ZFP91: variants seen among roughly 807,000 people sequenced by gnomAD.
ZFP91 encodes the protein E3 ubiquitin-protein ligase ZFP91.
Under a neutral mutation model 63.5 loss-of-function variants are expected in ZFP91, and 7 were observed. That is an observed-to-expected ratio of 0.11 (90% CI 0.06 to 0.21). ZFP91 has a LOEUF of 0.21. Among genes scored for constraint, ZFP91 ranks in the 10% least tolerant of loss-of-function variants. The pLI is 1.00. For synonymous variants in ZFP91, 330 were observed against 272.1 expected (o/e 1.21, Z -2.10); for missense variants, 628 against 736.6 (o/e 0.85, Z 1.71).
intron 8 of ZFP91, 55 bp downstream of exon 8, chr11:58,612,895 T>G: frequency 6.8e-7 from 1 of 1,472,024 alleles, no homozygotes; most frequent in South Asian, 1.2e-5. Context: ...TACTTGTTCT[T>G]GCACCACGAG....
At chr11:58,612,411 C>T in intron 7 of ZFP91, 83 bp downstream of exon 7, 1 of 1,391,526 alleles carries the variant, frequency 7.2e-7, no homozygotes, top group South Asian at 1.3e-5. Context: ...CATGATAATC[C>T]TGCAGGAATG....
At chr11:58,613,818 TATAAC>T (rs1372034054) in intron 8 of ZFP91, among the ~76,000 whole-genome samples, 1 of 152,188 alleles carries the variant, frequency 6.6e-6, no homozygotes, top group Non-Finnish European at 1.5e-5. Flanking sequence ...CAGCAACAAA[TATAAC>T]ATGACACGAA....
At chr11:58,600,940 T>C (rs891187746) in intron 2 of ZFP91, among the ~76,000 whole-genome samples, 1 of 152,216 alleles carries the variant, frequency 6.6e-6, no homozygotes, top group African/African-American at 2.4e-5. Context: ...TCTTTATTAA[T>C]GTGGGATATT....
chr11:58,605,974 A>G (rs550618178), intron 2 of ZFP91, among the ~76,000 whole-genome samples: 1 of 152,054 alleles, frequency 6.6e-6, no homozygotes, highest in South Asian at 2.1e-4. Context: ...GGCCTAGCTT[A>G]AAGTTCACTG....
At chr11:58,582,805 A>G (rs1855141569) in intron 1 of ZFP91, among the ~76,000 whole-genome samples, 2 of 152,198 alleles carry the variant, frequency 1.3e-5, no homozygotes. Flanking sequence ...TTCTTTTCAC[A>G]ATGAACTATT....
intron 2 of ZFP91, among the ~76,000 whole-genome samples, chr11:58,607,223 C>T (rs1855582780): frequency 6.6e-6 from 1 of 152,120 alleles, no homozygotes; most frequent in African/African-American, 2.4e-5. Flanking sequence ...TGTTGTAATA[C>T]TTCATAGGTG....
Position 58,617,781 on chromosome 11 carries a change from A to C in ZFP91, c.*75A>C. 1 of 1,437,618 alleles carries C rather than the reference A, an allele frequency of 7.0e-7. No homozygotes were observed. The allele number at this position is 1,437,618 out of a possible 1,614,324, so 89.1% of individuals were successfully genotyped here. On this transcript the variant is annotated 3_prime_UTR_variant, in exon 11 of 11. Coordinates refer to ENST00000316059, the MANE Select transcript of ZFP91 (RefSeq NM_053023.5). This position sits in a 1 kb window ranked among gnomAD's most constrained non-coding sequence, Gnocchi z 4.2. ...GTTAAAAAGGACAAAAAAAAAATCTAAAGCATTTAAAATCTAGTGAAATAA... is the reference window on the plus strand; with the variant it reads ...GTTAAAAAGGACAAAAAAAAAATCTCAAGCATTTAAAATCTAGTGAAATAA...
chr11:58,579,605 G>A lies in ZFP91; in HGVS notation c.324G>A (p.Lys108=). The A allele has an allele frequency of 6.4e-7, 1 of 1,574,548 alleles. No individual in the cohort carries two copies. Among genetic ancestry groups the A allele is most frequent in the Non-Finnish European group, 8.6e-7 (1 of 1,164,474 alleles). Residue 108 remains lysine, a synonymous_variant, in exon 1 of 11, where the codon AAG becomes AAA. Coordinates refer to ENST00000316059, the MANE Select transcript of ZFP91 (RefSeq NM_053023.5). ...AAKSPSPVQG[K]KSPRLLCIEK... ...AGTCCCCGTCTCCAGTTCAGGGCAA[G>A]AAGAGTCCGCGACTCCTGTGAGTAA...
intron 9 of ZFP91, among the ~76,000 whole-genome samples, chr11:58,616,310 A>T (rs1855747791): frequency 6.6e-6 from 1 of 151,956 alleles, no homozygotes; most frequent in South Asian, 2.1e-4. Flanking sequence ...TGAATGCCAG[A>T]TTCTTTCTGT....
rs770502239 is a variant in ZFP91 at position 58,617,444 on chromosome 11, C to T, written c.1451C>T (p.Thr484Met). 9.9e-6 allele frequency: 16 copies of T among 1,613,852 alleles called. No individual in the cohort carries two copies. Among genetic ancestry groups the T allele is most frequent in the African/African-American group, 4.0e-5 (3 of 74,924 alleles). Residue 484 changes from threonine to methionine, a missense_variant, in exon 11 of 11, where the codon ACG becomes ATG. Thr to Met is a moderately conservative substitution (Grantham distance 81, BLOSUM62 -1). Around this residue, in one of 3 missense-constraint regions of ZFP91, gnomAD observed 115 missense variants for 125.4 expected, o/e 0.92. Transcript: ENST00000316059. This position sits in a 1 kb window ranked among gnomAD's most constrained non-coding sequence, Gnocchi z 4.2. Reference protein sequence around the residue: ...DILGTNPESLTQPSDGQGLPL... With the variant: ...DILGTNPESLMQPSDGQGLPL... ...TTGGGCACTAACCCAGAGTCCCTGA[C>T]GCAGCCTTCAGATGGTCAGGGTCTT...
intron 2 of ZFP91, among the ~76,000 whole-genome samples, chr11:58,603,225 G>A (rs11229543): frequency 0.21 from 32,132 of 152,082 alleles, 3,641 homozygotes; most frequent in Middle Eastern, 0.36. Context: ...AGAAGGTATA[G>A]CCTTGTTTCT....
intron 2 of ZFP91, among the ~76,000 whole-genome samples, chr11:58,590,082 A>G (rs1855278710): frequency 6.6e-6 from 1 of 152,216 alleles, no homozygotes; most frequent in South Asian, 2.1e-4. Flanking sequence ...GAATGCCCTG[A>G]TAGAAGAAAA....
At chr11:58,613,796 C>A (rs1283265797) in intron 8 of ZFP91, among the ~76,000 whole-genome samples, 5 of 152,066 alleles carry the variant, frequency 3.3e-5, no homozygotes, top group Non-Finnish European at 4.4e-5. Context: ...TAGGAAATAC[C>A]TGTTTGATCT....
chr11:58,585,392 T>C (rs11229537), intron 2 of ZFP91, among the ~76,000 whole-genome samples: 22,788 of 152,178 alleles, frequency 0.15, 1,893 homozygotes, highest in Middle Eastern at 0.2. Context: ...GTTCACTTTT[T>C]CAATAACTTT....
chr11:58,617,424 C>T lies in ZFP91; in HGVS notation c.1431C>T (p.Gly477=), dbSNP rs769747094. Residue 477 remains glycine, a synonymous_variant, in exon 11 of 11, where the codon GGC becomes GGT. Transcript: ENST00000316059. The surrounding 1 kb of genome is among the most constrained non-coding windows in gnomAD (Gnocchi z 4.2). ...GALITSTDIL[G]TNPESLTQPS... is the part of the protein sequence containing the mutation. ...TCATCACCAGCACAGATATCTTGGG[C>T]ACTAACCCAGAGTCCCTGACGCAGC... 1.2e-6 allele frequency: 2 copies of T among 1,613,602 alleles called. No individual in the cohort carries two copies. The highest frequency in any genetic ancestry group is 1.1e-5 in the South Asian group (1 of 90,994).
chr11:58,587,829 A>G (rs1855236922), intron 2 of ZFP91, among the ~76,000 whole-genome samples: 1 of 152,160 alleles, frequency 6.6e-6, no homozygotes, highest in South Asian at 2.1e-4. Flanking sequence ...ATAATAGTTA[A>G]AACTGCCTCT....
In ZFP91 at chr11:58,618,183, A is replaced by C; in HGVS notation, c.*477A>C. On this transcript the variant is annotated 3_prime_UTR_variant, in exon 11 of 11. Transcript: ENST00000316059. ...TATCTTCAAATACCATAGAATTCTA[A>C]TCTCTGGAGGCTGGCAGCTTGACTT... The C allele has an allele frequency of 6.3e-6, 1 of 157,776 alleles. No homozygotes were observed. The highest frequency in any genetic ancestry group is 6.4e-5 in the Admixed American group (1 of 15,726). The allele number at this position is 157,776 out of a possible 1,614,324, so 9.8% of individuals were successfully genotyped here.
chr11:58,580,646 A>G (rs1855097620), intron 1 of ZFP91, among the ~76,000 whole-genome samples: 1 of 152,200 alleles, frequency 6.6e-6, no homozygotes, highest in Non-Finnish European at 1.5e-5. Flanking sequence ...TAGATTTAAA[A>G]CTTGAAACAG....
In ZFP91 at chr11:58,617,626, G is replaced by C. The variant is rs751844350; in HGVS notation, c.1633G>C (p.Glu545Gln). ...FVGSGSSGGT[E>Q]GLVMNSDILG... is the part of the protein sequence containing the mutation. ...GGGAAGCGGCAGCAGTGGAGGCACT[G>C]AAGGGCTGGTTATGAACTCAGATAT... Residue 545 changes from glutamate (E) to glutamine (Q), a missense_variant, in exon 11 of 11, where the codon GAA becomes CAA. Glu to Gln is a conservative substitution (Grantham distance 29). Around this residue, in one of 3 missense-constraint regions of ZFP91, gnomAD observed 115 missense variants for 125.4 expected, o/e 0.92. Coordinates refer to ENST00000316059, the MANE Select transcript of ZFP91 (RefSeq NM_053023.5). The surrounding 1 kb of genome is among the most constrained non-coding windows in gnomAD (Gnocchi z 4.2). 6.3e-7 allele frequency: 1 copy of C among 1,590,298 alleles called. No homozygotes were observed.
Sources: gnomAD v4.1 joint callset for allele counts (sites outside exome capture counted in the v4.1 genomes callset) on GRCh38, gnomAD v4.1.1 for gene constraint, gnomAD v4.1.1 regional missense constraint, Gnocchi (gnomAD v3.1) non-coding constraint, MANE v1.5 for transcripts, NCBI Gene and HGNC (gene_info 2026-07-23, HGNC 2026-07-21) for gene names.